Variants in FSTL4 observed in about 807,000 individuals in gnomAD.
FSTL4 encodes follistatin-related protein 4.
A neutral mutation model predicts 78.2 loss-of-function variants in FSTL4; 28 were observed. The observed-to-expected ratio is 0.36, with a 90% CI of 0.27 to 0.49. The LOEUF (loss-of-function observed/expected upper bound fraction) is 0.49. FSTL4 is among the 20% of genes least tolerant of loss of function. The pLI is 0.98. For synonymous variants in FSTL4, 422 were observed against 440.5 expected, an observed-to-expected ratio of 0.96 and a Z score of 0.53; for missense variants, 922 against 1,084.9, an observed-to-expected ratio of 0.85 and a Z score of 2.11.
In FSTL4 at chr5:133,221,913, T is replaced by TTTTTTTTTTTTTTTTTTTTTTG. The variant is rs1751140299; in HGVS notation, c.1340-1048_1340-1047insCAAAAAAAAAAAAAAAAAAAAA. ...CTAGTTTTTTTTTTTTTTTTTTTTTTTTTTTTTTTTTTTTAGCATGCTGAG... is the reference window on the plus strand; with the variant it reads ...CTAGTTTTTTTTTTTTTTTTTTTTTTTTTTTTTTTTTTTTTTTTTTTGTTTTTTTTTTTTTTAGCATGCTGAG... On this transcript the variant is annotated intron_variant, in intron 11 of 15. Transcript: ENST00000265342. Among the ~76,000 whole-genome samples the TTTTTTTTTTTTTTTTTTTTTTG allele has an allele frequency of 2.0e-5, 2 of 97,806 alleles. 1 individual carries two copies. The highest frequency in any genetic ancestry group is 3.9e-5 in the Non-Finnish European group (2 of 51,388). The allele number at this position is 97,806 out of a possible 152,430, so 64.2% of individuals were successfully genotyped here.
chr5:133,735,999 T>A, the FSTL4 span, among the ~76,000 whole-genome samples: 1 of 152,190 alleles, frequency 6.6e-6, no homozygotes, highest in Non-Finnish European at 1.5e-5. Flanking sequence ...TAGAAAGGTT[T>A]GTTACCTACA....
At chr5:133,813,237 C>T in the FSTL4 span, among the ~76,000 whole-genome samples, 3 of 152,094 alleles carry the variant, frequency 2.0e-5, no homozygotes, top group African/African-American at 4.8e-5. Flanking sequence ...AAAAAATAAA[C>T]GTGAAATAAA....
At chr5:133,394,693 G>A (rs994901391) in intron 4 of FSTL4, among the ~76,000 whole-genome samples, 6 of 152,224 alleles carry the variant, frequency 3.9e-5, no homozygotes, top group African/African-American at 1.4e-4. Flanking sequence ...CACCTGCTCC[G>A]TGGCACCAGG....
chr5:133,287,680 C>T (rs1753167039), intron 6 of FSTL4, among the ~76,000 whole-genome samples: 1 of 152,214 alleles, frequency 6.6e-6, no homozygotes, highest in Non-Finnish European at 1.5e-5. Flanking sequence ...ACTGACCTGA[C>T]ACTGTGGTCC....
chr5:133,433,733 AG>A (rs1756985030), intron 3 of FSTL4, among the ~76,000 whole-genome samples: 1 of 152,152 alleles, frequency 6.6e-6, no homozygotes, highest in Non-Finnish European at 1.5e-5. Context: ...GGCCTCTTGG[AG>A]GAGGTGGATT....
At chr5:133,395,161 A>G (rs1015662615) in intron 4 of FSTL4, among the ~76,000 whole-genome samples, 1 of 152,178 alleles carries the variant, frequency 6.6e-6, no homozygotes, top group Admixed American at 6.5e-5. Context: ...TGCCCCAGCC[A>G]GCAGTGGCAA....
Position 133,440,025 on chromosome 5 carries a change from T to C in FSTL4, c.161-39039A>G, listed in dbSNP as rs1757118765. On this transcript the variant is annotated intron_variant, in intron 3 of 15. Transcript: ENST00000265342. This position sits in a 1 kb window ranked among gnomAD's most constrained non-coding sequence, Gnocchi z 4.1. ...AGTCATGCTGCAGACCCACAGTTCT[T>C]AGTGAGCAGAGCCCTGGGGGTGGGG... Among the ~76,000 whole-genome samples, 1 of 152,078 alleles carries C rather than the reference T, an allele frequency of 6.6e-6. No homozygotes were observed. The highest frequency in any genetic ancestry group is 2.4e-5 in the African/African-American group (1 of 41,406).
Position 133,551,654 on chromosome 5 carries a change from A to C in FSTL4, c.160+15532T>G, listed in dbSNP as rs549642445. Among the ~76,000 whole-genome samples the C allele has an allele frequency of 4.6e-5, 7 of 152,332 alleles. No individual in the cohort carries two copies. In the East Asian group the frequency reaches 1.3e-3, roughly 29 times the overall value. On this transcript the variant is annotated intron_variant, in intron 3 of 15. Coordinates refer to ENST00000265342, the MANE Select transcript of FSTL4 (RefSeq NM_015082.2). Reference sequence around the variant, plus strand: ...TTTTTATAAAATCGTGTGATTCTGGAGGAGCCAACAGTATCTTTGGGATAA... The same window carrying C: ...TTTTTATAAAATCGTGTGATTCTGGCGGAGCCAACAGTATCTTTGGGATAA...
At chr5:133,223,960 G>C (rs916700814) in intron 11 of FSTL4, 8 of 481,404 alleles carry the variant, frequency 1.7e-5, no homozygotes, top group African/African-American at 1.6e-4. Context: ...TTCAGCAGAG[G>C]TTACAAGCCA....
rs748364227 is a variant in FSTL4, at chr5:133,316,431, T to C, written c.603+28A>G. On this transcript the variant is annotated intron_variant, in intron 5 of 15. Coordinates refer to ENST00000265342, the MANE Select transcript of FSTL4 (RefSeq NM_015082.2). Reference sequence around the variant, plus strand: ...AATGGAAAACTGGATTCCTCCATCATGTGACTTTCACTGAACACGATGCCC... The same window carrying C: ...AATGGAAAACTGGATTCCTCCATCACGTGACTTTCACTGAACACGATGCCC... 1.1e-5 allele frequency: 18 copies of C among 1,584,460 alleles called. No homozygotes were observed. In the South Asian group the frequency reaches 2.0e-4, roughly 18 times the overall value.
At chr5:133,744,437 C>T in the FSTL4 span, among the ~76,000 whole-genome samples, 2 of 152,294 alleles carry the variant, frequency 1.3e-5, no homozygotes, top group South Asian at 2.1e-4. Flanking sequence ...CCCACAGCCC[C>T]CGCTGTGCCG....
chr5:133,753,614 C>A, the FSTL4 span, among the ~76,000 whole-genome samples: 1 of 152,042 alleles, frequency 6.6e-6, no homozygotes, highest in Non-Finnish European at 1.5e-5. Flanking sequence ...CTGTACCACT[C>A]AATAACTATT....
At chr5:133,840,339 G>A in the FSTL4 span, among the ~76,000 whole-genome samples, 3 of 152,238 alleles carry the variant, frequency 2.0e-5, no homozygotes, top group African/African-American at 7.2e-5. Flanking sequence ...TTCAGATTGT[G>A]TAAGGAGAGA....
At chr5:133,667,564 T>C in the FSTL4 span, among the ~76,000 whole-genome samples, 4 of 152,206 alleles carry the variant, frequency 2.6e-5, no homozygotes, top group Admixed American at 2.6e-4. Context: ...AGCTCGAATA[T>C]ATCAGACCCA....
chr5:133,234,565 G>T (rs1317120737), intron 7 of FSTL4, among the ~76,000 whole-genome samples: 1 of 152,232 alleles, frequency 6.6e-6, no homozygotes, highest in Non-Finnish European at 1.5e-5. Context: ...TTTCTACAGA[G>T]AGCCCTCATC....
the FSTL4 span, among the ~76,000 whole-genome samples, chr5:133,753,683 C>CTGTGTGTGTGTGTGTGTG: frequency 8.3e-6 from 1 of 120,600 alleles, no homozygotes. Flanking sequence ...CACATTTGTT[C>CTGTGTGTGTGTGTGTGTG]TGTGTGTGTG....
chr5:133,747,314 G>C, the FSTL4 span, among the ~76,000 whole-genome samples: 1,631 of 152,258 alleles, frequency 0.011, 35 homozygotes, highest in African/African-American at 0.037. Context: ...AGCTAGCTTT[G>C]GCAGGCCTGT....
intron 4 of FSTL4, among the ~76,000 whole-genome samples, chr5:133,395,518 C>T (rs760378160): frequency 7.2e-5 from 11 of 152,218 alleles, no homozygotes; most frequent in East Asian, 1.9e-4. Flanking sequence ...GCTTCATTCT[C>T]GAAGTCAGAG....
rs893106948 is a variant in FSTL4 at position 133,546,867 on chromosome 5, C to T, written c.160+20319G>A. On this transcript the variant is annotated intron_variant, in intron 3 of 15. Coordinates refer to ENST00000265342, the MANE Select transcript of FSTL4 (RefSeq NM_015082.2). ...ACTGCTCTAGAAAGTACAAGTTGAC[C>T]TTTGTGACATTCAAGTGGCATCAAT... Among the ~76,000 whole-genome samples, 20 of 152,216 alleles carry T rather than the reference C, an allele frequency of 1.3e-4. No homozygotes were observed. The East Asian group carries it at 3.9e-3, about 29-fold the overall frequency.
Sources: allele counts gnomAD v4.1 joint callset (sites outside exome capture counted in the v4.1 genomes callset), GRCh38; gene constraint gnomAD v4.1.1; non-coding constraint Gnocchi (gnomAD v3.1); transcripts MANE v1.5; gene names NCBI Gene and HGNC (gene_info 2026-07-23, HGNC 2026-07-21).